The following FAM219A variants were observed in gnomAD, a reference collection of about 807,000 sequenced individuals.
The protein encoded by FAM219A is family with sequence similarity 219 member A.
In FAM219A, 7 loss-of-function variants were observed where a neutral mutation model predicts 23.4. The observed-to-expected ratio is 0.30, with a 90% CI of 0.17 to 0.56. FAM219A has a LOEUF of 0.56. Among genes scored for constraint, FAM219A ranks in the 20% least tolerant of loss-of-function variants. The pLI is 0.92. For missense variants in FAM219A, 166 were observed against 246.9 expected (o/e 0.67, Z 2.20); for synonymous variants, 93 against 99.0 (o/e 0.94, Z 0.36).
intron 1 of FAM219A, among the ~76,000 whole-genome samples, chr9:34,438,184 A>C (rs1822999931): frequency 6.6e-6 from 1 of 152,238 alleles, no homozygotes; most frequent in Admixed American, 6.5e-5. Flanking sequence ...CGGGACCTGC[A>C]GCCCGCCATG....
At chr9:34,409,506 C>T (rs1821752213) in intron 1 of FAM219A, among the ~76,000 whole-genome samples, 1 of 152,208 alleles carries the variant, frequency 6.6e-6, no homozygotes, top group African/African-American at 2.4e-5. Flanking sequence ...TTAATAAACA[C>T]TCAGCAGAGA....
intron 2 of FAM219A, among the ~76,000 whole-genome samples, chr9:34,403,443 G>A (rs1054946762): frequency 6.6e-6 from 1 of 152,222 alleles, no homozygotes; most frequent in African/African-American, 2.4e-5. Flanking sequence ...GGAAGAAGAA[G>A]CCACTGAAGG....
At chr9:34,448,916 G>A (rs1431578013) in intron 1 of FAM219A, among the ~76,000 whole-genome samples, 1 of 151,048 alleles carries the variant, frequency 6.6e-6, no homozygotes, top group Non-Finnish European at 1.5e-5. Context: ...TGGGTGACAG[G>A]TGCACCAAAA....
intron 1 of FAM219A, among the ~76,000 whole-genome samples, chr9:34,451,024 A>C (rs1045898584): frequency 6.6e-6 from 1 of 152,212 alleles, no homozygotes; most frequent in Non-Finnish European, 1.5e-5. Flanking sequence ...TCAATTTGCT[A>C]TCTCTGAATA....
chr9:34,405,334 G>A (rs1472068235), intron 2 of FAM219A, among the ~76,000 whole-genome samples: 4 of 152,132 alleles, frequency 2.6e-5, no homozygotes, highest in Admixed American at 1.3e-4. Context: ...AAAGCCACAA[G>A]GGAAATGTGA....
intron 1 of FAM219A, among the ~76,000 whole-genome samples, chr9:34,445,179 C>T (rs1367778437): frequency 2.0e-5 from 3 of 152,162 alleles, no homozygotes; most frequent in African/African-American, 7.2e-5. Flanking sequence ...CTCTCCTTTC[C>T]ACTCTTACTC....
At position 34,416,267 on chromosome 9, in the gene FAM219A, G is replaced by GA. The variant is rs1309584697; in HGVS notation, c.61-10304dup. Among the ~76,000 whole-genome samples, 94 of 126,050 alleles carry GA rather than the reference G, an allele frequency of 7.5e-4. 2 individuals are homozygous for GA. The South Asian group carries it at 0.01, about 14-fold the overall frequency. The allele number at this position is 126,050 out of a possible 152,430, so 82.7% of individuals were successfully genotyped here. A position where few individuals can be genotyped will look rare whatever the true frequency, so the allele number is the denominator to read the frequency against. On this transcript the variant is annotated intron_variant, in intron 1 of 5. Coordinates refer to ENST00000651358, the MANE Select transcript of FAM219A (RefSeq NM_001184940.2). ...AGAAAGAAAGAAAGAAAGGGGGAGG[G>GA]AGGGAGGGAAGGAAGGAAGGAAGGA... is the stretch of plus-strand genomic sequence containing the variant.
intron 1 of FAM219A, among the ~76,000 whole-genome samples, chr9:34,422,924 G>A (rs1271569373): frequency 1.3e-5 from 2 of 152,138 alleles, no homozygotes; most frequent in African/African-American, 4.8e-5. Flanking sequence ...CCAGCACTTT[G>A]GAAGGCCGAA....
At chr9:34,436,907 C>T (rs974657824) in intron 1 of FAM219A, among the ~76,000 whole-genome samples, 6 of 152,198 alleles carry the variant, frequency 3.9e-5, no homozygotes, top group African/African-American at 1.4e-4. Flanking sequence ...TGCAGCATGC[C>T]TGGCATGAAC....
intron 1 of FAM219A, among the ~76,000 whole-genome samples, chr9:34,421,653 C>T (rs1235450679): frequency 6.6e-6 from 1 of 152,014 alleles, no homozygotes; most frequent in African/African-American, 2.4e-5. Flanking sequence ...CAACCCACAT[C>T]TCTGAGGACA....
Position 34,401,660 on chromosome 9 carries a change from G to C in FAM219A, c.399+6C>G, listed in dbSNP as rs372968214. 1.9e-5 allele frequency: 30 copies of C among 1,605,992 alleles called. No homozygotes were observed. In the African/African-American group the frequency reaches 3.9e-4, roughly 21 times the overall value. On this transcript the variant is annotated splice_donor_region_variant and intron_variant, in intron 5 of 5. Transcript: ENST00000651358. ...GTGTCTAGGGTGAGAAGGGGTAGGG[G>C]CTCACCTCAGCAGAGGAGTAGCCGG... is the stretch of plus-strand genomic sequence containing the variant.
At chr9:34,427,748 C>A (rs184875401) in intron 1 of FAM219A, among the ~76,000 whole-genome samples, 1 of 152,178 alleles carries the variant, frequency 6.6e-6, no homozygotes, top group Admixed American at 6.5e-5. Flanking sequence ...TGGTGTCCCA[C>A]AGACAGATGT....
rs1305330202 is a variant in FAM219A at position 34,457,922 on chromosome 9, C to T, written c.60+282G>A. ...CCTCGCCAGTCCCTGCTATGGGCCT[C>T]CACTAGCGGTGTGCACCTTTGTGCC... On this transcript the variant is annotated intron_variant, in intron 1 of 5. Coordinates refer to ENST00000651358, the MANE Select transcript of FAM219A (RefSeq NM_001184940.2). The surrounding 1 kb of genome is among the most constrained non-coding windows in gnomAD (Gnocchi z 5.1). Among the ~76,000 whole-genome samples, 1 of 152,242 alleles carries T rather than the reference C, an allele frequency of 6.6e-6. No individual in the cohort carries two copies. Among genetic ancestry groups the T allele is most frequent in the Admixed American group, 6.5e-5 (1 of 15,290 alleles).
intron 1 of FAM219A, 123 bp from the exon 2 acceptor site, chr9:34,406,087 C>A (rs1821627474): frequency 8.6e-6 from 9 of 1,045,092 alleles, no homozygotes; most frequent in South Asian, 1.6e-5. Flanking sequence ...CCCCTCAGAG[C>A]AGGCAGGGCA....
At chr9:34,438,422 G>A (rs1823013809) in intron 1 of FAM219A, among the ~76,000 whole-genome samples, 1 of 152,208 alleles carries the variant, frequency 6.6e-6, no homozygotes, top group Admixed American at 6.5e-5. Flanking sequence ...AGTCTGGTGG[G>A]GAGGTGGAGA....
rs201203447 is a variant in FAM219A, at chr9:34,401,687, G to A, written c.378C>T (p.Ser126=). ...DDDFDMSRYS[S]SGYSSAEQIN... ...TCACCTCAGCAGAGGAGTAGCCGGA[G>A]GAGGAGTATCTAGACATGTCAAAGT... The change falls in exon 5 of 6, where the codon TCC becomes TCT. Residue 126 remains serine, a synonymous_variant. Transcript: ENST00000651358. The A allele has an allele frequency of 7.5e-5, 121 of 1,608,708 alleles. No individual in the cohort carries two copies. Among genetic ancestry groups the A allele is most frequent in the Non-Finnish European group, 1.0e-4 (118 of 1,178,722 alleles).
chr9:34,420,131 A>G (rs1175047776), intron 1 of FAM219A, among the ~76,000 whole-genome samples: 1 of 151,798 alleles, frequency 6.6e-6, no homozygotes, highest in Non-Finnish European at 1.5e-5. Flanking sequence ...TAATCACTGA[A>G]CCCCAACAAG....
intron 1 of FAM219A, chr9:34,406,599 G>C (rs1821644435): frequency 2.0e-6 from 1 of 487,894 alleles, no homozygotes; most frequent in South Asian, 8.7e-5. Flanking sequence ...CAGTAGGTGA[G>C]AAGACAAATA....
chr9:34,408,676 C>T (rs1821725101), intron 1 of FAM219A, among the ~76,000 whole-genome samples: 1 of 152,180 alleles, frequency 6.6e-6, no homozygotes, highest in Non-Finnish European at 1.5e-5. Context: ...CCTTGGCCCT[C>T]CTCTCTCTCC....
Sources: gnomAD v4.1 joint callset for allele counts (sites outside exome capture counted in the v4.1 genomes callset) on GRCh38, gnomAD v4.1.1 for gene constraint, Gnocchi (gnomAD v3.1) non-coding constraint, MANE v1.5 for transcripts, NCBI Gene and HGNC (gene_info 2026-07-23, HGNC 2026-07-21) for gene names.